Variants in ACOT12 observed in about 807,000 individuals in gnomAD.
ACOT12 encodes the protein acetyl-coenzyme A thioesterase.
A neutral mutation model predicts 67.7 loss-of-function variants in ACOT12; 51 were observed. The observed-to-expected ratio is 0.75, with a 90% CI of 0.60 to 0.95. ACOT12 has a LOEUF of 0.95. ACOT12 is among the 40% of genes least tolerant of loss of function. The probability of loss-of-function intolerance (pLI) is 0.00; values close to 1 mark genes in which losing one functional copy is unlikely to be tolerated. For synonymous variants in ACOT12, 251 were observed against 244.6 expected (o/e 1.03, Z -0.24); for missense variants, 734 against 708.1 (o/e 1.04, Z -0.41).
chr5:81,309,122 A>G, the ACOT12 span: 1 of 1,069,312 alleles, frequency 9.4e-7, no homozygotes, highest in South Asian at 1.7e-5. Context: ...CAGTTCTTGA[A>G]TAAATTCTTG....
intron 6 of ACOT12, 59 bp downstream of exon 6, chr5:81,347,715 C>T: frequency 6.4e-7 from 1 of 1,572,096 alleles, no homozygotes; most frequent in Non-Finnish European, 8.7e-7. Context: ...GATCTCAGTC[C>T]CTTTCTACTT....
chr5:81,340,131 A>G (rs1759145112), intron 11 of ACOT12, among the ~76,000 whole-genome samples: 1 of 150,902 alleles, frequency 6.6e-6, no homozygotes, highest in African/African-American at 2.4e-5. Context: ...TCTGCCTCCC[A>G]GGTTCAAGTG....
chr5:81,313,511 T>C, the ACOT12 span, among the ~76,000 whole-genome samples: 15 of 152,214 alleles, frequency 9.9e-5, no homozygotes, highest in Non-Finnish European at 2.1e-4. Context: ...AGTATCACCA[T>C]AATAGAGTTA....
Position 81,352,783 on chromosome 5 carries a change from C to T in ACOT12, c.497-4853G>A, listed in dbSNP as rs1292192330. On this transcript the variant is annotated intron_variant, in intron 5 of 14. Transcript: ENST00000307624. Reference sequence around the variant, plus strand: ...TGTCACACTTGAAGGAGTGGATACCCCATTTTACATGATGTGATTATTGCA... The same window carrying T: ...TGTCACACTTGAAGGAGTGGATACCTCATTTTACATGATGTGATTATTGCA... Among the ~76,000 whole-genome samples, 4 of 151,978 alleles carry T rather than the reference C, an allele frequency of 2.6e-5. No homozygotes were observed. The East Asian group carries it at 5.8e-4, about 22-fold the overall frequency.
intron 11 of ACOT12, among the ~76,000 whole-genome samples, chr5:81,340,182 T>C (rs1380542399): frequency 6.8e-6 from 1 of 147,712 alleles, no homozygotes; most frequent in Non-Finnish European, 1.5e-5. Flanking sequence ...AGATTACAGG[T>C]GCCCGCCATG....
chr5:81,315,472 G>A, the ACOT12 span, among the ~76,000 whole-genome samples: 1 of 152,132 alleles, frequency 6.6e-6, no homozygotes, highest in Non-Finnish European at 1.5e-5. Flanking sequence ...CCAGATTATA[G>A]GTTACACGAG....
In ACOT12 at chr5:81,385,483, A is replaced by G. The variant is rs186186042; in HGVS notation, c.197+274T>C. Among the ~76,000 whole-genome samples, 7 of 152,218 alleles carry G rather than the reference A, an allele frequency of 4.6e-5. No homozygotes were observed. In the East Asian group the frequency reaches 1.4e-3, roughly 29 times the overall value. On this transcript the variant is annotated intron_variant, in intron 2 of 14. Transcript: ENST00000307624. ...CAATTAAAAAAAGGAGCTTATAGAA[A>G]GTCTGTTTGGCTGTTATGCCTTATG...
At chr5:81,316,390 A>C in the ACOT12 span, among the ~76,000 whole-genome samples, 6 of 152,292 alleles carry the variant, frequency 3.9e-5, no homozygotes, top group South Asian at 1.2e-3. Context: ...ACTTTATGTA[A>C]ATGGAATCAT....
intron 12 of ACOT12, among the ~76,000 whole-genome samples, chr5:81,335,185 T>A (rs1195892461): frequency 1.3e-5 from 2 of 152,224 alleles, no homozygotes; most frequent in African/African-American, 4.8e-5. Context: ...CTTTATTGCC[T>A]GTGCAATCTT....
chr5:81,325,753 T>C (rs572157134), downstream of ACOT12, among the ~76,000 whole-genome samples: 16 of 152,306 alleles, frequency 1.1e-4, no homozygotes, highest in South Asian at 3.3e-3. Flanking sequence ...TCTCTGACTT[T>C]TGAATCTGGA....
rs34394766 is a variant in ACOT12, at chr5:81,392,750, T to TA, written c.127+1237dup. Among the ~76,000 whole-genome samples the TA allele has an allele frequency of 1.8e-3, 272 of 147,946 alleles. 1 individual carries two copies. The highest frequency in any genetic ancestry group is 3.6e-3 in the South Asian group (17 of 4,668). ...TAATATAACCAATCTCAAATCCTGTTAAAAAAAAAAAAGGCTTAAACGAAT... is the reference window on the plus strand; with the variant it reads ...TAATATAACCAATCTCAAATCCTGTTAAAAAAAAAAAAAGGCTTAAACGAAT... On this transcript the variant is annotated intron_variant, in intron 1 of 14. Coordinates refer to ENST00000307624, the MANE Select transcript of ACOT12 (RefSeq NM_130767.3).
chr5:81,391,154 A>G (rs923552711), intron 1 of ACOT12, among the ~76,000 whole-genome samples: 4 of 152,254 alleles, frequency 2.6e-5, no homozygotes, highest in Non-Finnish European at 5.9e-5. Flanking sequence ...CTATGTATAC[A>G]TGATTCAAGA....
At chr5:81,340,852 T>A (rs748378080) in intron 11 of ACOT12, among the ~76,000 whole-genome samples, 5 of 152,252 alleles carry the variant, frequency 3.3e-5, no homozygotes, top group Non-Finnish European at 5.9e-5. Flanking sequence ...AAGTATAATC[T>A]TTAAAGGAGA....
chr5:81,363,928 A>C, intron 3 of ACOT12, 39 bp from the exon 4 acceptor site: 4 of 1,410,610 alleles, frequency 2.8e-6, no homozygotes, highest in South Asian at 3.3e-5. Flanking sequence ...ACTCTTGGCC[A>C]GTTCAGATTT....
Position 81,362,569 on chromosome 5 carries a change from G to A in ACOT12, c.360+1219C>T, listed in dbSNP as rs541312786. Reference sequence around the variant, plus strand: ...CCTCTGCTGCCCCTCGCAAAGGAATGGGATTGCAAGGTGTATTCCTTTGTC... The same window carrying A: ...CCTCTGCTGCCCCTCGCAAAGGAATAGGATTGCAAGGTGTATTCCTTTGTC... On this transcript the variant is annotated intron_variant, in intron 4 of 14. Coordinates refer to ENST00000307624, the MANE Select transcript of ACOT12 (RefSeq NM_130767.3). 3.9e-5 allele frequency among the ~76,000 whole-genome samples: 6 copies of A among 152,290 alleles called. 1 individual carries two copies. In the South Asian group the frequency reaches 1.2e-3, roughly 32 times the overall value.
Position 81,390,767 on chromosome 5 carries a change from G to T in ACOT12, c.127+3221C>A, listed in dbSNP as rs75843188. 1.0e-3 allele frequency among the ~76,000 whole-genome samples: 156 copies of T among 152,200 alleles called. 2 individuals are homozygous for T. In the East Asian group the frequency reaches 0.029, roughly 28 times the overall value. On this transcript the variant is annotated intron_variant, in intron 1 of 14. Coordinates refer to ENST00000307624, the MANE Select transcript of ACOT12 (RefSeq NM_130767.3). ...TCCACCTGCCTCAGCCTCCCAAAGT[G>T]CTGGGATTACAGCAATCTTTATTAT...
At chr5:81,372,835 A>C (rs913283360) in intron 2 of ACOT12, among the ~76,000 whole-genome samples, 1 of 152,230 alleles carries the variant, frequency 6.6e-6, no homozygotes, top group African/African-American at 2.4e-5. Flanking sequence ...CTAAAGATAC[A>C]GTGATGAATA....
chr5:81,359,560 C>T (rs1759836696), intron 5 of ACOT12, among the ~76,000 whole-genome samples: 1 of 152,216 alleles, frequency 6.6e-6, no homozygotes, highest in Non-Finnish European at 1.5e-5. Context: ...CGAGAAACTG[C>T]TTAGTAAGCC....
At chr5:81,385,696 T>C in intron 2 of ACOT12, 61 bp downstream of exon 2, 2 of 1,511,122 alleles carry the variant, frequency 1.3e-6, no homozygotes, top group Non-Finnish European at 1.8e-6. Context: ...GTGCCACCAA[T>C]ACATGTCCCA....
Sources: gnomAD v4.1 joint callset for allele counts (sites outside exome capture counted in the v4.1 genomes callset) on GRCh38, gnomAD v4.1.1 for gene constraint, MANE v1.5 for transcripts, NCBI Gene and HGNC (gene_info 2026-07-23, HGNC 2026-07-21) for gene names.